The following TFIP11 variants were observed in gnomAD, a reference collection of about 807,000 sequenced individuals.
The protein encoded by TFIP11 is tuftelin-interacting protein 11.
TFIP11 carries 86 observed loss-of-function variants against 96.8 expected under a neutral mutation model. The observed-to-expected ratio is 0.89, with a 90% CI of 0.75 to 1.06. The LOEUF is 1.06. Among genes scored for constraint, TFIP11 ranks in the 50% least tolerant of loss-of-function variants. The pLI is 0.00. For missense variants in TFIP11, 881 were observed against 1,076.7 expected, an observed-to-expected ratio of 0.82 and a Z score of 2.54; for synonymous variants, 405 against 395.2, an observed-to-expected ratio of 1.02 and a Z score of -0.29.
At chr22:26,499,764 G>A (rs1019674722) in intron 8 of TFIP11, 133 bp from the exon 9 acceptor site, 20 of 927,918 alleles carry the variant, frequency 2.2e-5, no homozygotes, top group African/African-American at 1.2e-4. Context: ...GAGAAGGGCA[G>A]TGTTGTAAAG....
At chr22:26,495,969 C>G (rs1921967121) in intron 12 of TFIP11, 104 bp downstream of exon 12, 11 of 1,473,436 alleles carry the variant, frequency 7.5e-6, no homozygotes, top group Non-Finnish European at 1.0e-5. Flanking sequence ...GTGTACTAAG[C>G]ACTTTCATGA....
At chr22:26,508,459 AT>A (rs1168119280) in intron 4 of TFIP11, among the ~76,000 whole-genome samples, 2 of 152,220 alleles carry the variant, frequency 1.3e-5, no homozygotes, top group Non-Finnish European at 2.9e-5. Context: ...TGATTATGCA[AT>A]TCTTGTTCCC....
chr22:26,499,771 A>G, intron 8 of TFIP11, 140 bp from the exon 9 acceptor site: 4 of 890,230 alleles, frequency 4.5e-6, no homozygotes. Context: ...GCAGTGTTGT[A>G]AAGTGGGAAC....
At chr22:26,507,027 T>A in intron 4 of TFIP11, 99 bp from the exon 5 acceptor site, 1 of 1,365,502 alleles carries the variant, frequency 7.3e-7, no homozygotes, top group South Asian at 1.4e-5. Context: ...CTCCTTAGAG[T>A]GAATCTCATG....
chr22:26,510,236 G>C lies in TFIP11; in HGVS notation c.37C>G (p.Arg13Gly), dbSNP rs200830209. ...CGCTCGTCATCATCATCATCAATGC[G>C]GCCTTCCCCATCCCGGTATAAGTGG... Reference protein sequence around the residue: ...LSHLYRDGEGRIDDDDDEREN... With the variant: ...LSHLYRDGEGGIDDDDDEREN... The change falls in exon 4 of 15, where the codon CGC becomes GGC. Residue 13 changes from arginine to glycine, a missense_variant. By Grantham distance (125) the Arg-to-Gly change is moderately radical. Coordinates refer to ENST00000407690, the MANE Select transcript of TFIP11 (RefSeq NM_012143.4). The C allele has an allele frequency of 1.2e-6, 2 of 1,613,932 alleles. No homozygotes were observed. Among genetic ancestry groups the C allele is most frequent in the Non-Finnish European group, 1.7e-6 (2 of 1,180,032 alleles).
intron 11 of TFIP11, 89 bp from the exon 12 acceptor site, chr22:26,496,405 G>A (rs544088634): frequency 2.7e-6 from 4 of 1,493,608 alleles, no homozygotes; most frequent in Admixed American, 2.3e-5. Context: ...GCTGCCCCTG[G>A]AGGAGGCCCT....
intron 3 of TFIP11, 48 bp from the exon 4 acceptor site, chr22:26,510,329 C>A (rs1406744988): frequency 6.4e-7 from 1 of 1,558,352 alleles, no homozygotes. Context: ...CTGGGGGCAG[C>A]AGTCGAAGGA....
In TFIP11 at chr22:26,492,267, C is replaced by T. The variant is rs986593060; in HGVS notation, c.2260G>A (p.Ala754Thr). 1.2e-6 allele frequency: 2 copies of T among 1,614,134 alleles called. No homozygotes were observed. The highest frequency in any genetic ancestry group is 2.2e-5 in the South Asian group (2 of 91,094). Reference sequence around the variant, plus strand: ...ATGCCCCTCTGAGCCATGTTCTCAGCCTCCCGCCTCTCCTGCATGGCCTCG... The same window carrying T: ...ATGCCCCTCTGAGCCATGTTCTCAGTCTCCCGCCTCTCCTGCATGGCCTCG... Reference protein sequence around the residue: ...QYEAMQERREAENMAQRGIGV... With the variant: ...QYEAMQERRETENMAQRGIGV... Residue 754 changes from alanine to threonine, a missense_variant, in exon 15 of 15, where the codon GCT (alanine) becomes ACT (threonine). Coordinates refer to ENST00000407690, the MANE Select transcript of TFIP11 (RefSeq NM_012143.4).
intron 14 of TFIP11, 25 bp downstream of exon 14, chr22:26,494,114 A>G: frequency 6.2e-7 from 1 of 1,610,192 alleles, no homozygotes; most frequent in Non-Finnish European, 8.5e-7. Context: ...GGGCCAGGAC[A>G]TCCAAAATGG....
At chr22:26,506,508 G>C in intron 5 of TFIP11, 49 bp from the exon 6 acceptor site, 1 of 1,570,108 alleles carries the variant, frequency 6.4e-7, no homozygotes, top group Non-Finnish European at 8.6e-7. Context: ...ACAAAATGAA[G>C]AAAAATCTAA....
At position 26,502,002 on chromosome 22, in the gene TFIP11, C is replaced by T; in HGVS notation, c.699G>A (p.Lys233=). 4 of 1,613,946 alleles carry T rather than the reference C, an allele frequency of 2.5e-6. No homozygotes were observed. The highest frequency in any genetic ancestry group is 1.1e-5 in the South Asian group (1 of 91,068). ...TCTTGTAAGAGTATTTGGGCTTCTTCTTGCTTCCACTTGGGTCTTTCCTCC... is the reference window on the plus strand; with the variant it reads ...TCTTGTAAGAGTATTTGGGCTTCTTTTTGCTTCCACTTGGGTCTTTCCTCC... The part of the protein sequence containing the change: ...SQWRKDPSGS[K]KKPKYSYKTV... Residue 233 remains lysine (K), a synonymous_variant, in exon 8 of 15, where the codon AAG becomes AAA. Coordinates refer to ENST00000407690, the MANE Select transcript of TFIP11 (RefSeq NM_012143.4).
At chr22:26,510,534 G>C in intron 3 of TFIP11, 83 bp downstream of exon 3, 1 of 454,798 alleles carries the variant, frequency 2.2e-6, no homozygotes, top group Non-Finnish European at 4.0e-6. Context: ...CCTTGTCCTA[G>C]TCAATATCAT....
At chr22:26,494,965 G>C (rs370032677) in intron 12 of TFIP11, 26 bp from the exon 13 acceptor site, 2 of 1,613,794 alleles carry the variant, frequency 1.2e-6, no homozygotes, top group African/African-American at 2.7e-5. Flanking sequence ...GGTCTGTAAG[G>C]CACAGCTTTA....
At chr22:26,506,624 C>G in intron 5 of TFIP11, 151 bp downstream of exon 5, 1 of 1,292,986 alleles carries the variant, frequency 7.7e-7, no homozygotes, top group Admixed American at 2.2e-5. Context: ...AGAGACTGCA[C>G]TACACACTTC....
intron 4 of TFIP11, among the ~76,000 whole-genome samples, chr22:26,507,981 C>T (rs781106036): frequency 2.6e-5 from 4 of 152,162 alleles, no homozygotes; most frequent in Non-Finnish European, 5.9e-5. Flanking sequence ...GTGGCACACG[C>T]CTGTAATCCC....
rs778398267 is a variant in TFIP11, at chr22:26,496,847, G to A, written c.1479C>T (p.Val493=). The change falls in exon 11 of 15, where the codon GTC becomes GTT. Residue 493 remains valine, a synonymous_variant. Transcript: ENST00000407690. The part of the protein sequence containing the change: ...EVWMPFVRNI[V]TQWQPRNCDP... ...CACAGTTCCTTGGCTGCCACTGGGT[G>A]ACAATATTTCGAACAAAAGGCATCC... 9 of 1,614,058 alleles carry A rather than the reference G, an allele frequency of 5.6e-6. No homozygotes were observed. Among genetic ancestry groups the A allele is most frequent in the Non-Finnish European group, 7.6e-6 (9 of 1,180,050 alleles).
chr22:26,491,326 CA>C lies in TFIP11; in HGVS notation c.*686del. On this transcript the variant is annotated 3_prime_UTR_variant, in exon 15 of 15. Coordinates refer to ENST00000407690, the MANE Select transcript of TFIP11 (RefSeq NM_012143.4). The stretch of plus-strand genomic sequence containing the variant: ...GGGCGCCCAATTCATTGTGCAAAAG[CA>C]TTTAAATCAAAATACCCTATTTGTT... 2.5e-6 allele frequency: 2 copies of C among 785,624 alleles called. No individual in the cohort carries two copies. The highest frequency in any genetic ancestry group is 4.1e-6 in the Non-Finnish European group (2 of 487,466). The allele number at this position is 785,624 out of a possible 1,614,324, so 48.7% of individuals were successfully genotyped here.
At position 26,498,146 on chromosome 22, in the gene TFIP11, C is replaced by T. The variant is rs186267506; in HGVS notation, c.1436+723G>A. ...TGGAAAACCAAACATCTTATGTTCT[C>T]ACTTATAAGTGGAAGCTAAGTTATG... On this transcript the variant is annotated intron_variant, in intron 10 of 14. Coordinates refer to ENST00000407690, the MANE Select transcript of TFIP11 (RefSeq NM_012143.4). Among the ~76,000 whole-genome samples, 4 of 152,304 alleles carry T rather than the reference C, an allele frequency of 2.6e-5. No individual in the cohort carries two copies. In the South Asian group the frequency reaches 6.2e-4, roughly 24 times the overall value.
chr22:26,504,890 A>G (rs939789739), intron 6 of TFIP11, among the ~76,000 whole-genome samples: 1 of 152,168 alleles, frequency 6.6e-6, no homozygotes, highest in African/African-American at 2.4e-5. Flanking sequence ...AGCCTGGCCA[A>G]CACAGTAAAA....
Sources: allele counts gnomAD v4.1 joint callset (sites outside exome capture counted in the v4.1 genomes callset), GRCh38; gene constraint gnomAD v4.1.1; transcripts MANE v1.5; gene names NCBI Gene and HGNC (gene_info 2026-07-23, HGNC 2026-07-21).